CDC42BPB: variants seen among roughly 807,000 people sequenced by gnomAD.
The protein encoded by CDC42BPB is CDC42 binding protein kinase beta.
Under a neutral mutation model 214.9 loss-of-function variants are expected in CDC42BPB, and 37 were observed. That is an observed-to-expected ratio of 0.17 (90% CI 0.13 to 0.23). The LOEUF is 0.23. CDC42BPB is among the 10% of genes least tolerant of loss of function. CDC42BPB has a pLI of 1.00. For synonymous variants in CDC42BPB, 931 were observed against 884.0 expected (o/e 1.05, Z -0.94); for missense variants, 1,694 against 2,227.0 (o/e 0.76, Z 4.82).
At chr14:102,987,788 A>AACACACACACAC (rs57579935) in intron 5 of CDC42BPB, among the ~76,000 whole-genome samples, 290 of 140,796 alleles carry the variant, frequency 2.1e-3, no homozygotes, top group African/African-American at 4.2e-3. Context: ...CAAACACACA[A>AACACACACACAC]ACACACACAC....
chr14:103,054,822 C>T (rs1888851777), intron 1 of CDC42BPB, among the ~76,000 whole-genome samples: 1 of 152,210 alleles, frequency 6.6e-6, no homozygotes, highest in Admixed American at 6.5e-5. Flanking sequence ...TGTTACAGCA[C>T]AGTTCCCGTT....
rs753957301 is a variant in CDC42BPB, at chr14:102,939,816, G to A, written c.4709+14C>T. The stretch of plus-strand genomic sequence containing the variant: ...GAGCGAGGCCCAGCAGGCCCCGTGA[G>A]GCCCCGCTCCTACCGCCTCTGCTGC... On this transcript the variant is annotated intron_variant, in intron 33 of 36. Coordinates refer to ENST00000361246, the MANE Select transcript of CDC42BPB (RefSeq NM_006035.4). 1.2e-6 allele frequency: 2 copies of A among 1,614,046 alleles called. No individual in the cohort carries two copies. Among genetic ancestry groups the A allele is most frequent in the African/African-American group, 1.3e-5 (1 of 75,072 alleles).
rs780740899 is a variant in CDC42BPB, at chr14:102,968,589, T to C, written c.2123A>G (p.His708Arg). Residue 708 changes from histidine to arginine, a missense_variant, in exon 15 of 37, where the codon CAT becomes CGT. Coordinates refer to ENST00000361246, the MANE Select transcript of CDC42BPB (RefSeq NM_006035.4). ...EEELVRREAS[H>R]VLEVKNVKKE... ...CTTCACATTTTTCACTTCTAGCACA[T>C]GGGAGGCCTCACGTCTGACCAATTC... 1.9e-6 allele frequency: 3 copies of C among 1,614,206 alleles called. No individual in the cohort carries two copies. The highest frequency in any genetic ancestry group is 1.7e-5 in the Admixed American group (1 of 60,020).
In CDC42BPB at chr14:103,003,999, C is replaced by A; in HGVS notation, c.376G>T (p.Asp126Tyr). ...AETACFREER[D>Y]VLVNGDCQWI... ...TGGCAGTCGCCGTTCACCAGCACAT[C>A]GCGCTCCTCTCGGAAGCACGCGGTC... The change falls in exon 4 of 37, where the codon GAT becomes TAT. Residue 126 changes from aspartate (D) to tyrosine (Y), a missense_variant. By Grantham distance (160) the Asp-to-Tyr change is radical (BLOSUM62 -3). Around this residue, in one of 7 missense-constraint regions of CDC42BPB, gnomAD observed 225 missense variants for 459.3 expected, o/e 0.49. Coordinates refer to ENST00000361246, the MANE Select transcript of CDC42BPB (RefSeq NM_006035.4). The A allele has an allele frequency of 6.2e-7, 1 of 1,607,594 alleles. No homozygotes were observed.
chr14:103,048,265 C>T (rs1023939599), intron 1 of CDC42BPB, among the ~76,000 whole-genome samples: 9 of 151,906 alleles, frequency 5.9e-5, no homozygotes, highest in South Asian at 2.1e-4. Context: ...AAAATTCGGC[C>T]GGGAGCGGTG....
intron 1 of CDC42BPB, among the ~76,000 whole-genome samples, chr14:103,042,367 T>C (rs887078822): frequency 6.6e-6 from 1 of 152,074 alleles, no homozygotes; most frequent in Non-Finnish European, 1.5e-5. Context: ...TGGAGTTCAG[T>C]GGCGTGATCT....
rs539035937 is a variant in CDC42BPB, at chr14:102,987,780, AACACACAAACACACAC to A, written c.597-1216_597-1201del. Among the ~76,000 whole-genome samples the A allele has an allele frequency of 4.1e-3, 369 of 89,316 alleles. 1 individual carries two copies. The highest frequency in any genetic ancestry group is 0.014 in the African/African-American group (345 of 24,152). 58.6% of individuals were successfully genotyped at this position (89,316 alleles called of 152,430 possible). On this transcript the variant is annotated intron_variant, in intron 5 of 36. Transcript: ENST00000361246. ...AAAGAAAACAAAACAAAATCCCACA[AACACACAAACACACAC>A]ACACACACACACACACACACACACA...
chr14:102,964,390 G>T, intron 19 of CDC42BPB, 112 bp downstream of exon 19: 1 of 1,306,760 alleles, frequency 7.7e-7, no homozygotes, highest in Non-Finnish European at 1.1e-6. Context: ...TCCAGCAAAC[G>T]CCGTGGCCCC....
chr14:102,963,548 C>T (rs139423300), intron 19 of CDC42BPB, among the ~76,000 whole-genome samples: 7 of 152,316 alleles, frequency 4.6e-5, no homozygotes, highest in Non-Finnish European at 8.8e-5. Flanking sequence ...CAGCACCACC[C>T]GCACGGGTAG....
Position 102,968,582 on chromosome 14 carries a change from T to C in CDC42BPB, c.2130A>G (p.Leu710=), listed in dbSNP as rs770467296. 28 of 1,614,192 alleles carry C rather than the reference T, an allele frequency of 1.7e-5. No homozygotes were observed. Among genetic ancestry groups the C allele is most frequent in the Non-Finnish European group, 2.3e-5 (27 of 1,180,026 alleles). The change falls in exon 15 of 37, where the codon CTA becomes CTG. Residue 710 remains leucine (L), a synonymous_variant. Coordinates refer to ENST00000361246, the MANE Select transcript of CDC42BPB (RefSeq NM_006035.4). The stretch of plus-strand genomic sequence containing the variant: ...CCTCCTTCTTCACATTTTTCACTTC[T>C]AGCACATGGGAGGCCTCACGTCTGA... ...ELVRREASHV[L]EVKNVKKEVH...
At chr14:102,977,015 C>T (rs192018318) in intron 9 of CDC42BPB, among the ~76,000 whole-genome samples, 2,215 of 152,204 alleles carry the variant, frequency 0.015, 22 homozygotes, top group Admixed American at 0.022. Flanking sequence ...GCCTCTCACA[C>T]CAAAAGAGAT....
chr14:102,967,230 A>C (rs1893252058), intron 16 of CDC42BPB, 60 bp from the exon 17 acceptor site: 15 of 1,547,948 alleles, frequency 9.7e-6, no homozygotes, highest in Non-Finnish European at 1.3e-5. Context: ...AGTATGCTGG[A>C]TTTAACACTG....
chr14:103,056,637 G>A (rs1443105550), intron 1 of CDC42BPB, among the ~76,000 whole-genome samples: 6 of 149,782 alleles, frequency 4.0e-5, no homozygotes, highest in Admixed American at 2.6e-4. Context: ...GACTCGGAGG[G>A]TGGATCTAGG....
intron 21 of CDC42BPB, among the ~76,000 whole-genome samples, chr14:102,958,869 C>T (rs112153060): frequency 2.2e-3 from 330 of 151,922 alleles, no homozygotes; most frequent in Admixed American, 4.8e-3. Context: ...GATAGGGTCT[C>T]GCTATATTGC....
chr14:103,053,728 C>G (rs1417647072), intron 1 of CDC42BPB, among the ~76,000 whole-genome samples: 1 of 150,336 alleles, frequency 6.7e-6, no homozygotes, highest in Non-Finnish European at 1.5e-5. Context: ...CGCCACTGCA[C>G]TCCAGCCTGG....
chr14:103,026,868 A>AT (rs1349597945), intron 1 of CDC42BPB, among the ~76,000 whole-genome samples: 1 of 151,114 alleles, frequency 6.6e-6, no homozygotes, highest in African/African-American at 2.4e-5. Context: ...ACTCCGTCTC[A>AT]TTAAAAAAAA....
At chr14:102,996,812 C>CAAAAAAAAA (rs34138749) in intron 5 of CDC42BPB, among the ~76,000 whole-genome samples, 1 of 125,208 alleles carries the variant, frequency 8.0e-6, no homozygotes, top group African/African-American at 3.1e-5. Context: ...GACTCCATCT[C>CAAAAAAAAA]AAAAAAAAAA....
intron 26 of CDC42BPB, among the ~76,000 whole-genome samples, chr14:102,949,562 A>G (rs1459123087): frequency 6.6e-6 from 1 of 152,156 alleles, no homozygotes; most frequent in East Asian, 1.9e-4. Context: ...GTTCCTGCGC[A>G]CGCAGGCCCG....
At chr14:103,042,592 G>A (rs988574511) in intron 1 of CDC42BPB, among the ~76,000 whole-genome samples, 4 of 152,208 alleles carry the variant, frequency 2.6e-5, no homozygotes, top group Non-Finnish European at 5.9e-5. Context: ...TTACAGGCGT[G>A]AGCCACTATG....
Sources: gnomAD v4.1 joint callset for allele counts (sites outside exome capture counted in the v4.1 genomes callset) on GRCh38, gnomAD v4.1.1 for gene constraint, gnomAD v4.1.1 regional missense constraint, MANE v1.5 for transcripts, NCBI Gene and HGNC (gene_info 2026-07-23, HGNC 2026-07-21) for gene names.